GAS7: variants seen among roughly 807,000 people sequenced by gnomAD.
GAS7 encodes growth arrest-specific protein 7.
GAS7 carries 28 observed loss-of-function variants against 71.1 expected under a neutral mutation model. That is an observed-to-expected ratio of 0.39 (90% confidence interval 0.29 to 0.54). The LOEUF (loss-of-function observed/expected upper bound fraction) is 0.54. Ranked by LOEUF, GAS7 falls within the 20% of genes least tolerant of loss-of-function variation. The pLI is 0.62. For missense variants in GAS7, 436 were observed against 627.8 expected (o/e 0.69, Z 3.27); for synonymous variants, 258 against 245.8 (o/e 1.05, Z -0.46).
At chr17:10,063,855 G>A (rs570678114) in intron 1 of GAS7, among the ~76,000 whole-genome samples, 2 of 152,312 alleles carry the variant, frequency 1.3e-5, no homozygotes, top group South Asian at 2.1e-4. Context: ...CCCCTTGCAC[G>A]GGTGGTGAGG....
At chr17:9,991,950 G>A (rs1235575582) in intron 2 of GAS7, among the ~76,000 whole-genome samples, 2 of 152,130 alleles carry the variant, frequency 1.3e-5, no homozygotes. Flanking sequence ...CAAAGCTCTG[G>A]TCTCATTTCC....
chr17:10,193,461 G>A (rs947577002), intron 1 of GAS7, among the ~76,000 whole-genome samples: 3 of 151,954 alleles, frequency 2.0e-5, no homozygotes, highest in African/African-American at 7.3e-5. Flanking sequence ...GATGAACCAC[G>A]CCTCCCTCAT....
intron 1 of GAS7, among the ~76,000 whole-genome samples, chr17:10,064,570 G>A (rs73974414): frequency 0.047 from 7,201 of 152,264 alleles, 197 homozygotes; most frequent in Middle Eastern, 0.068. Flanking sequence ...CTGGATACCT[G>A]GAATTTGGTT....
At chr17:9,920,627 C>G (rs2067771361) in intron 11 of GAS7, among the ~76,000 whole-genome samples, 1 of 152,212 alleles carries the variant, frequency 6.6e-6, no homozygotes, top group African/African-American at 2.4e-5. Context: ...CCTACTGAAT[C>G]AGAGACTGCA....
chr17:10,135,515 T>G (rs1464475926), intron 1 of GAS7, among the ~76,000 whole-genome samples: 2 of 152,102 alleles, frequency 1.3e-5, no homozygotes, highest in Non-Finnish European at 2.9e-5. Flanking sequence ...ATTAAGGGGG[T>G]GAGCAGCTAT....
intron 9 of GAS7, among the ~76,000 whole-genome samples, chr17:9,932,148 G>A (rs2068230739): frequency 1.3e-5 from 2 of 151,970 alleles, no homozygotes; most frequent in Admixed American, 1.3e-4. Flanking sequence ...GGAAGAGCGA[G>A]GAGGCCAGGG....
chr17:9,941,668 G>T (rs922205336), intron 7 of GAS7, among the ~76,000 whole-genome samples: 3 of 152,236 alleles, frequency 2.0e-5, no homozygotes, highest in African/African-American at 7.2e-5. Flanking sequence ...CGTTGTCATG[G>T]AAATATAAAC....
At chr17:10,158,863 T>C (rs1225446122) in intron 1 of GAS7, among the ~76,000 whole-genome samples, 3 of 151,540 alleles carry the variant, frequency 2.0e-5, no homozygotes, top group African/African-American at 7.3e-5. Flanking sequence ...AAGATCAGCC[T>C]GGGCAACATG....
rs368893766 is a variant in GAS7 at position 9,959,181 on chromosome 17, C to T, written c.525+21G>A. ...CCCAGCTCGCAGCCCACCCTGAGGGCGCCCCTCGGGAGCCACTTACTGTGA... is the reference window on the plus strand; with the variant it reads ...CCCAGCTCGCAGCCCACCCTGAGGGTGCCCCTCGGGAGCCACTTACTGTGA... On this transcript the variant is annotated intron_variant, in intron 5 of 13. Coordinates refer to ENST00000432992, the MANE Select transcript of GAS7 (RefSeq NM_201433.2). The surrounding 1 kb of genome is among the most constrained non-coding windows in gnomAD (Gnocchi z 5.0). 3.8e-5 allele frequency: 62 copies of T among 1,611,314 alleles called. No homozygotes were observed. Among genetic ancestry groups the T allele is most frequent in the African/African-American group, 3.1e-4 (23 of 74,888 alleles).
chr17:10,008,584 G>A (rs756898634), intron 2 of GAS7, among the ~76,000 whole-genome samples: 2 of 151,994 alleles, frequency 1.3e-5, no homozygotes, highest in Non-Finnish European at 2.9e-5. Context: ...AAAAATGAGG[G>A]GTGTGTTATG....
chr17:9,917,917 C>T, intron 13 of GAS7, 84 bp downstream of exon 13: 2 of 936,336 alleles, frequency 2.1e-6, no homozygotes, highest in East Asian at 5.1e-5. Flanking sequence ...CTTGCAGCAG[C>T]CACTTAACCT....
rs1468483383 is a variant in GAS7, at chr17:10,046,840, GGAAGGAAA to G, written c.184-26951_184-26944del. Among the ~76,000 whole-genome samples the G allele has an allele frequency of 4.1e-4, 39 of 94,670 alleles. 6 individuals carry two copies. The highest frequency in any genetic ancestry group is 2.1e-3 in the African/African-American group (32 of 15,156). 62.1% of individuals were successfully genotyped at this position (94,670 alleles called of 152,430 possible). On this transcript the variant is annotated intron_variant, in intron 1 of 13. Transcript: ENST00000432992. ...AGGAAGGAAGGAAGGAAGGAAGGAAGGAAGGAAAGAAAAGAAAAGAAAAAAGAAAAGAA... is the reference window on the plus strand; with the variant it reads ...AGGAAGGAAGGAAGGAAGGAAGGAAGGAAAAGAAAAGAAAAAAGAAAAGAA...
chr17:10,192,957 T>C (rs1167012865), intron 1 of GAS7, among the ~76,000 whole-genome samples: 4 of 152,184 alleles, frequency 2.6e-5, no homozygotes, highest in Non-Finnish European at 5.9e-5. Flanking sequence ...AGTTGATGAC[T>C]GACTGAAAAA....
At position 9,910,676 on chromosome 17, in the gene GAS7, C is replaced by G. The variant is rs2067411303; in HGVS notation, c.*6552G>C. 2 of 206,004 alleles carry G rather than the reference C, an allele frequency of 9.7e-6. No homozygotes were observed. Among genetic ancestry groups the G allele is most frequent in the East Asian group, 1.5e-4 (2 of 13,642 alleles). The allele number at this position is 206,004 out of a possible 1,614,324, so 12.8% of individuals were successfully genotyped here. On this transcript the variant is annotated 3_prime_UTR_variant, in exon 14 of 14. Transcript: ENST00000432992. ...ATAGCAAACGCCTTCAAAATTTAAA[C>G]TCTTTAAACATTTAATTCTTCAGCA...
intron 1 of GAS7, among the ~76,000 whole-genome samples, chr17:10,054,199 C>T (rs898057888): frequency 1.3e-5 from 2 of 151,928 alleles, no homozygotes; most frequent in Non-Finnish European, 2.9e-5. Context: ...TCTTACTTTC[C>T]TTCTTTTCAT....
rs78528469 is a variant in GAS7 at position 9,944,280 on chromosome 17, C to G, written c.616-1044G>C. Among the ~76,000 whole-genome samples, 12 of 152,326 alleles carry G rather than the reference C, an allele frequency of 7.9e-5. 1 individual carries two copies. In the East Asian group the frequency reaches 2.1e-3, roughly 27 times the overall value. On this transcript the variant is annotated intron_variant, in intron 6 of 13. Transcript: ENST00000432992. ...GTGTCCTCCTCCTTACAGCTTTTCC[C>G]TATCAGGAACCCAGGGTCAAACACT... is the stretch of plus-strand genomic sequence containing the variant.
Position 9,945,440 on chromosome 17 carries a change from G to A in GAS7, c.615+1454C>T, listed in dbSNP as rs2068754821. ...GCTTACCCCGATGCTTGCTTACCCC[G>A]CCCTCTGAGCTCACCTGCCCAGGTC... On this transcript the variant is annotated intron_variant, in intron 6 of 13. Coordinates refer to ENST00000432992, the MANE Select transcript of GAS7 (RefSeq NM_201433.2). Among the ~76,000 whole-genome samples the A allele has an allele frequency of 3.3e-5, 5 of 152,002 alleles. No homozygotes were observed. In the Middle Eastern group the frequency reaches 0.01, roughly 310 times the overall value.
chr17:9,954,275 A>G (rs1442712105), intron 5 of GAS7, among the ~76,000 whole-genome samples: 1 of 152,082 alleles, frequency 6.6e-6, no homozygotes, highest in East Asian at 1.9e-4. Flanking sequence ...GACAAGACTG[A>G]GCTGAGAGGG....
At chr17:10,138,339 A>G (rs973519817) in intron 1 of GAS7, among the ~76,000 whole-genome samples, 2 of 152,214 alleles carry the variant, frequency 1.3e-5, no homozygotes, top group East Asian at 1.9e-4. Flanking sequence ...TTATCCTTCC[A>G]ACTCCCTAGT....
Sources: gnomAD v4.1 joint callset for allele counts (sites outside exome capture counted in the v4.1 genomes callset) on GRCh38, gnomAD v4.1.1 for gene constraint, Gnocchi (gnomAD v3.1) non-coding constraint, MANE v1.5 for transcripts, NCBI Gene and HGNC (gene_info 2026-07-23, HGNC 2026-07-21) for gene names.